Variants in MYT1L observed in about 807,000 individuals in gnomAD.
MYT1L encodes the protein myelin transcription factor 1-like protein.
MYT1L carries 12 observed loss-of-function variants against 126.7 expected under a neutral mutation model. That is an observed-to-expected ratio of 0.09 (90% CI 0.06 to 0.15). MYT1L has a LOEUF of 0.15. MYT1L is among the 10% of genes least tolerant of loss of function. The pLI, the probability that MYT1L is intolerant of heterozygous loss-of-function variation, is 1.00. For missense variants in MYT1L, 979 were observed against 1,585.2 expected, an observed-to-expected ratio of 0.62 and a Z score of 6.49; for synonymous variants, 541 against 604.2, an observed-to-expected ratio of 0.90 and a Z score of 1.53.
intron 3 of MYT1L, among the ~76,000 whole-genome samples, chr2:2,129,047 G>C (rs2082047977): frequency 6.6e-6 from 1 of 152,122 alleles, no homozygotes; most frequent in Non-Finnish European, 1.5e-5. Flanking sequence ...AAAATTAATG[G>C]CTTTTCTTTC....
At chr2:1,814,016 G>A (rs1216364568) in intron 21 of MYT1L, among the ~76,000 whole-genome samples, 1 of 127,598 alleles carries the variant, frequency 7.8e-6, no homozygotes, top group Non-Finnish European at 1.6e-5. Flanking sequence ...GACAGAGCGA[G>A]ACTCCGTCCC....
chr2:2,276,929 C>T (rs1273290191), intron 2 of MYT1L, among the ~76,000 whole-genome samples: 11 of 152,084 alleles, frequency 7.2e-5, no homozygotes, highest in African/African-American at 1.4e-4. Context: ...CACACATGTG[C>T]GATTTCTGTT....
chr2:2,162,968 C>T (rs745978750), intron 3 of MYT1L, among the ~76,000 whole-genome samples: 3 of 152,178 alleles, frequency 2.0e-5, no homozygotes, highest in African/African-American at 7.2e-5. Context: ...AATAAATTTA[C>T]TGCCCGCACT....
At chr2:2,283,474 T>A (rs1188378698) in intron 2 of MYT1L, among the ~76,000 whole-genome samples, 1 of 152,234 alleles carries the variant, frequency 6.6e-6, no homozygotes, top group East Asian at 1.9e-4. Flanking sequence ...TTGAAAAGTA[T>A]AATTTTTGAA....
At chr2:1,849,709 T>C (rs1016938185) in intron 19 of MYT1L, among the ~76,000 whole-genome samples, 1 of 152,254 alleles carries the variant, frequency 6.6e-6, no homozygotes, top group Non-Finnish European at 1.5e-5. Context: ...GCTTGCAACG[T>C]TGGCACGGAG....
chr2:2,046,436 A>G (rs2068196657), intron 4 of MYT1L, among the ~76,000 whole-genome samples: 1 of 152,238 alleles, frequency 6.6e-6, no homozygotes, highest in Admixed American at 6.5e-5. Flanking sequence ...TTGTTTCCAG[A>G]ATCTTGTTCT....
chr2:2,266,902 G>A (rs75205533), intron 2 of MYT1L, among the ~76,000 whole-genome samples: 2,650 of 152,288 alleles, frequency 0.017, 63 homozygotes, highest in African/African-American at 0.057. Flanking sequence ...GGCCTCCCAC[G>A]TGGAACTGTG....
intron 8 of MYT1L, among the ~76,000 whole-genome samples, chr2:1,965,506 G>A (rs2059279581): frequency 1.3e-5 from 2 of 152,240 alleles, no homozygotes; most frequent in Non-Finnish European, 2.9e-5. Context: ...CAGGCACTCT[G>A]TGACTTGCAA....
chr2:2,145,642 G>GAC (rs139332300), intron 3 of MYT1L, among the ~76,000 whole-genome samples: 30,995 of 146,394 alleles, frequency 0.21, 3,093 homozygotes, highest in East Asian at 0.26. Context: ...ACACACACAA[G>GAC]ACACACACAC....
chr2:2,073,000 G>C (rs2074785325), intron 3 of MYT1L, among the ~76,000 whole-genome samples: 1 of 152,094 alleles, frequency 6.6e-6, no homozygotes, highest in Non-Finnish European at 1.5e-5. Context: ...GCCTGCTTTT[G>C]GTTTGTAGAC....
Position 2,245,629 on chromosome 2 carries a change from G to GT in MYT1L, c.-421+38774dup, listed in dbSNP as rs2094519832. Among the ~76,000 whole-genome samples, 6 of 150,268 alleles carry GT rather than the reference G, an allele frequency of 4.0e-5. No individual in the cohort carries two copies. In the Admixed American group the frequency reaches 4.0e-4, roughly 10 times the overall value. Reference sequence around the variant, plus strand: ...GCCCCCAGGAATGGAGGCTCAAGGAGTTCCCAAGCTCATGTCTTGGAGTAG... The same window carrying GT: ...GCCCCCAGGAATGGAGGCTCAAGGAGTTTCCCAAGCTCATGTCTTGGAGTAG... On this transcript the variant is annotated intron_variant, in intron 2 of 24. Transcript: ENST00000647738.
chr2:2,321,408 C>A (rs559104202), intron 1 of MYT1L, among the ~76,000 whole-genome samples: 1 of 152,066 alleles, frequency 6.6e-6, no homozygotes, highest in Non-Finnish European at 1.5e-5. Context: ...TGTTTCATGG[C>A]GACAATGCTC....
chr2:1,877,687 T>C (rs4557004), intron 18 of MYT1L, among the ~76,000 whole-genome samples: 54,259 of 151,886 alleles, frequency 0.36, 11,343 homozygotes, highest in African/African-American at 0.58. Context: ...CAGGCAGGGG[T>C]TCCGGGCGCG....
chr2:1,907,107 G>A (rs1055874940), intron 13 of MYT1L, among the ~76,000 whole-genome samples: 2 of 149,166 alleles, frequency 1.3e-5, no homozygotes, highest in African/African-American at 4.9e-5. Flanking sequence ...GTGAGACCCT[G>A]TCTCTAAAAA....
At chr2:1,873,933 G>A (rs548465610) in intron 18 of MYT1L, among the ~76,000 whole-genome samples, 5 of 152,128 alleles carry the variant, frequency 3.3e-5, no homozygotes, top group Non-Finnish European at 7.3e-5. Context: ...ATGGAGAGGG[G>A]TGGAGAGGGA....
intron 9 of MYT1L, among the ~76,000 whole-genome samples, chr2:1,934,582 C>T (rs1437693537): frequency 2.0e-5 from 3 of 152,058 alleles, no homozygotes; most frequent in African/African-American, 7.2e-5. Flanking sequence ...TTCTTCCACC[C>T]AGAGAATGAG....
intron 2 of MYT1L, among the ~76,000 whole-genome samples, chr2:2,281,935 T>C (rs551204450): frequency 6.6e-6 from 1 of 152,316 alleles, no homozygotes; most frequent in Admixed American, 6.5e-5. Context: ...GTAGGTGGCA[T>C]GGGGGCAGAA....
intron 18 of MYT1L, among the ~76,000 whole-genome samples, chr2:1,880,137 C>A (rs750523010): frequency 2.0e-5 from 3 of 152,118 alleles, no homozygotes; most frequent in Non-Finnish European, 2.9e-5. Context: ...TTGAAAACTG[C>A]CTTTTAGATG....
chr2:1,799,565 T>A (rs1225465268), intron 23 of MYT1L, among the ~76,000 whole-genome samples: 1 of 152,214 alleles, frequency 6.6e-6, no homozygotes, highest in Non-Finnish European at 1.5e-5. Context: ...CTGAATGGCA[T>A]CCTATTGGAA....
Sources: allele counts gnomAD v4.1 joint callset (sites outside exome capture counted in the v4.1 genomes callset), GRCh38; gene constraint gnomAD v4.1.1; transcripts MANE v1.5; gene names NCBI Gene and HGNC (gene_info 2026-07-23, HGNC 2026-07-21).